The following ABCC1 variants were observed in gnomAD, a reference collection of about 807,000 sequenced individuals.
The protein encoded by ABCC1 is multidrug resistance-associated protein 1.
Under a neutral mutation model 172.9 loss-of-function variants are expected in ABCC1, and 83 were observed. That is an observed-to-expected ratio of 0.48 (90% confidence interval 0.40 to 0.58). The LOEUF (loss-of-function observed/expected upper bound fraction) is 0.58, where lower values mean the gene tolerates loss of function less well. Among genes scored for constraint, ABCC1 ranks in the 20% least tolerant of loss-of-function variants. ABCC1 has a pLI of 0.00. For synonymous variants in ABCC1, 937 were observed against 825.2 expected (o/e 1.14, Z -2.32); for missense variants, 1,817 against 2,002.7 (o/e 0.91, Z 1.77).
At chr16:16,007,757 C>G (rs45538832) in intron 1 of ABCC1, 59 bp from the exon 2 acceptor site, 6 of 1,500,004 alleles carry the variant, frequency 4.0e-6, no homozygotes, top group East Asian at 4.8e-5. Flanking sequence ...ATGCTCCAGG[C>G]GAGCTCCTGT....
At chr16:16,011,232 CAAAAA>C (rs3837749) in intron 3 of ABCC1, among the ~76,000 whole-genome samples, 57,650 of 149,688 alleles carry the variant, frequency 0.39, 13,274 homozygotes, top group Non-Finnish European at 0.52. Context: ...GACCTCATCT[CAAAAA>C]AGAAAAAGAA....
intron 19 of ABCC1, among the ~76,000 whole-genome samples, chr16:16,093,047 G>C (rs905263454): frequency 6.6e-6 from 1 of 152,152 alleles, no homozygotes; most frequent in South Asian, 2.1e-4. Context: ...ATTCCCTTCA[G>C]CTTTTAAATT....
chr16:16,101,556 T>C lies in ABCC1; in HGVS notation c.2645-1071T>C, dbSNP rs573436058. Among the ~76,000 whole-genome samples the C allele has an allele frequency of 1.6e-4, 24 of 152,340 alleles. No homozygotes were observed. In the South Asian group the frequency reaches 4.8e-3, roughly 30 times the overall value. On this transcript the variant is annotated intron_variant, in intron 19 of 30. Coordinates refer to ENST00000399410, the MANE Select transcript of ABCC1 (RefSeq NM_004996.4). ...CATGTTCCCAGGGTCACCCTGACCATGCTGCTGGCTGCGTATTTATCCCTT... is the reference window on the plus strand; with the variant it reads ...CATGTTCCCAGGGTCACCCTGACCACGCTGCTGGCTGCGTATTTATCCCTT...
intron 21 of ABCC1, among the ~76,000 whole-genome samples, chr16:16,109,621 C>G (rs933106253): frequency 2.6e-5 from 4 of 152,208 alleles, no homozygotes; most frequent in Admixed American, 2.6e-4. Flanking sequence ...CCCTGTCTCT[C>G]ATGTCAGGCG....
At chr16:16,053,629 A>C (rs1355299059) in intron 11 of ABCC1, among the ~76,000 whole-genome samples, 1 of 151,824 alleles carries the variant, frequency 6.6e-6, no homozygotes, top group Non-Finnish European at 1.5e-5. Context: ...TCTACCAAAA[A>C]TGGAAAAGTT....
intron 29 of ABCC1, among the ~76,000 whole-genome samples, chr16:16,137,913 G>A (rs1218186661): frequency 2.6e-5 from 4 of 151,622 alleles, no homozygotes; most frequent in African/African-American, 9.7e-5. Flanking sequence ...TGCCTAGGCT[G>A]GAGTACAGTG....
chr16:15,974,952 A>G (rs553440131), intron 1 of ABCC1, among the ~76,000 whole-genome samples: 94 of 151,682 alleles, frequency 6.2e-4, no homozygotes, highest in African/African-American at 2.2e-3. Context: ...ATGCCCAGCT[A>G]ATTTTTGTAT....
At chr16:15,998,124 G>GC (rs1277655594) in intron 1 of ABCC1, among the ~76,000 whole-genome samples, 1 of 148,676 alleles carries the variant, frequency 6.7e-6, no homozygotes, top group African/African-American at 2.5e-5. Context: ...GCCCAGTCCC[G>GC]ATACTTTGTT....
chr16:16,016,684 C>G (rs1275888492), intron 5 of ABCC1, 63 bp downstream of exon 5: 4 of 1,595,450 alleles, frequency 2.5e-6, no homozygotes, highest in Non-Finnish European at 1.7e-6. Context: ...TGACACAGTA[C>G]CAGCTAACAT....
At position 16,068,146 on chromosome 16, in the gene ABCC1, C is replaced by T. The variant is rs749744836; in HGVS notation, c.1678-10C>T. 7.4e-6 allele frequency: 12 copies of T among 1,614,008 alleles called. No homozygotes were observed. The Admixed American group carries it at 1.8e-4, about 25-fold the overall frequency. On this transcript the variant is annotated splice_polypyrimidine_tract_variant and intron_variant, in intron 12 of 30. Coordinates refer to ENST00000399410, the MANE Select transcript of ABCC1 (RefSeq NM_004996.4). Reference sequence around the variant, plus strand: ...GGCACAGCAGTCAGCACTGGGCGTTCTGCTTGCAGGTGGCCTTGTGCACAT... The same window carrying T: ...GGCACAGCAGTCAGCACTGGGCGTTTTGCTTGCAGGTGGCCTTGTGCACAT...
At position 16,083,465 on chromosome 16, in the gene ABCC1, T is replaced by A; in HGVS notation, c.2215T>A (p.Ser739Thr). The A allele has an allele frequency of 6.2e-7, 1 of 1,613,898 alleles. No homozygotes were observed. The highest frequency in any genetic ancestry group is 1.7e-5 in the Admixed American group (1 of 60,004). ...GCQLEEPYYR[S>T]VIQACALLPD... ...TCAGCTGGAGGAACCATATTACAGGTCCGTGATACAGGCCTGTGCCCTCCT... is the reference window on the plus strand; with the variant it reads ...TCAGCTGGAGGAACCATATTACAGGACCGTGATACAGGCCTGTGCCCTCCT... Residue 739 changes from serine (S) to threonine (T), a missense_variant, in exon 17 of 31, where the codon TCC (serine) becomes ACC (threonine). Ser to Thr is a moderately conservative substitution (Grantham distance 58). Around this residue, in one of 3 missense-constraint regions of ABCC1, gnomAD observed 1,412 missense variants for 1,600.3 expected, o/e 0.88. Transcript: ENST00000399410.
At chr16:16,035,713 T>G (rs1213318426) in intron 6 of ABCC1, among the ~76,000 whole-genome samples, 2 of 151,728 alleles carry the variant, frequency 1.3e-5, no homozygotes, top group Non-Finnish European at 2.9e-5. Context: ...CAGGCTGGTC[T>G]TGAACTCCAG....
chr16:16,038,285 C>T (rs887228177), intron 7 of ABCC1, among the ~76,000 whole-genome samples: 2 of 152,140 alleles, frequency 1.3e-5, no homozygotes, highest in Non-Finnish European at 2.9e-5. Flanking sequence ...CATCTGCAAC[C>T]TGGAGAACCC....
At chr16:15,995,846 T>G (rs1346220052) in intron 1 of ABCC1, among the ~76,000 whole-genome samples, 1 of 152,024 alleles carries the variant, frequency 6.6e-6, no homozygotes, top group African/African-American at 2.4e-5. Flanking sequence ...TTTAAATTTT[T>G]TTATTTGTAG....
intron 10 of ABCC1, among the ~76,000 whole-genome samples, chr16:16,052,420 C>T (rs1461104822): frequency 6.9e-6 from 1 of 144,468 alleles, no homozygotes; most frequent in East Asian, 1.9e-4. Context: ...CATAGCGAGA[C>T]CTCATCTCCT....
chr16:16,064,195 C>T (rs1336523166), intron 12 of ABCC1, among the ~76,000 whole-genome samples: 1 of 152,056 alleles, frequency 6.6e-6, no homozygotes, highest in Non-Finnish European at 1.5e-5. Context: ...GAAAAGGCAC[C>T]TAGGGGACAG....
intron 22 of ABCC1, among the ~76,000 whole-genome samples, chr16:16,113,964 G>C (rs546080243): frequency 1.4e-3 from 210 of 152,310 alleles, no homozygotes; most frequent in Non-Finnish European, 2.4e-3. Context: ...GCTCACAGGA[G>C]GCAGAGCTCA....
chr16:16,079,449 G>A lies in ABCC1; in HGVS notation c.2086G>A (p.Asp696Asn). The change falls in exon 16 of 31, where the codon GAC (aspartate) becomes AAC (asparagine). Residue 696 changes from aspartate (D) to asparagine (N), a missense_variant. Coordinates refer to ENST00000399410, the MANE Select transcript of ABCC1 (RefSeq NM_004996.4). ...GCTCTCAGCCCTCTTGGCTGAGATG[G>A]ACAAAGTGGAGGGGCACGTGGCTAT... ...SLLSALLAEM[D>N]KVEGHVAIKG... The A allele has an allele frequency of 6.2e-7, 1 of 1,613,694 alleles. No homozygotes were observed. Among genetic ancestry groups the A allele is most frequent in the Non-Finnish European group, 8.5e-7 (1 of 1,179,668 alleles).
chr16:16,009,748 G>A (rs2047699630), intron 2 of ABCC1, 28 bp from the exon 3 acceptor site: 4 of 1,589,180 alleles, frequency 2.5e-6, no homozygotes, highest in Non-Finnish European at 2.6e-6. Flanking sequence ...GCGGTCTGTT[G>A]TAGGATATGT....
Sources: allele counts gnomAD v4.1 joint callset (sites outside exome capture counted in the v4.1 genomes callset), GRCh38; gene constraint gnomAD v4.1.1; regional missense constraint gnomAD v4.1.1; transcripts MANE v1.5; gene names NCBI Gene and HGNC (gene_info 2026-07-23, HGNC 2026-07-21).